GPR137C: variants seen among roughly 807,000 people sequenced by gnomAD.
GPR137C encodes integral membrane protein GPR137C.
A neutral mutation model predicts 43.4 loss-of-function variants in GPR137C; 27 were observed. The observed-to-expected ratio is 0.62, with a 90% CI of 0.46 to 0.86. GPR137C has a LOEUF of 0.86. Among genes scored for constraint, GPR137C ranks in the 40% least tolerant of loss-of-function variants. The pLI is 0.00. For missense variants in GPR137C, 522 were observed against 534.6 expected, an observed-to-expected ratio of 0.98 and a Z score of 0.23; for synonymous variants, 285 against 226.9, an observed-to-expected ratio of 1.26 and a Z score of -2.30.
At chr14:52,597,755 T>A (rs954818267) in intron 1 of GPR137C, among the ~76,000 whole-genome samples, 6 of 152,232 alleles carry the variant, frequency 3.9e-5, no homozygotes, top group African/African-American at 1.4e-4. Context: ...CACCTGCCTT[T>A]TGTAAGGCTT....
At chr14:52,583,098 TAAGA>T (rs2038668919) in intron 1 of GPR137C, among the ~76,000 whole-genome samples, 1 of 152,132 alleles carries the variant, frequency 6.6e-6, no homozygotes, top group Non-Finnish European at 1.5e-5. Flanking sequence ...TTTCTGGTAT[TAAGA>T]AAGAGCTGGA....
intron 1 of GPR137C, among the ~76,000 whole-genome samples, chr14:52,577,557 A>T (rs1322847972): frequency 6.8e-6 from 1 of 146,174 alleles, no homozygotes; most frequent in Non-Finnish European, 1.5e-5. Flanking sequence ...ATGAAATGAA[A>T]AGTTGATTCT....
At chr14:52,574,151 G>GA (rs151095445) in intron 1 of GPR137C, among the ~76,000 whole-genome samples, 20,026 of 152,186 alleles carry the variant, frequency 0.13, 1,401 homozygotes, top group Non-Finnish European at 0.15. Flanking sequence ...CATTGTGGAA[G>GA]ACAGTGTGGC....
At chr14:52,621,048 T>G (rs928275870) in intron 3 of GPR137C, among the ~76,000 whole-genome samples, 1 of 151,954 alleles carries the variant, frequency 6.6e-6, no homozygotes, top group Middle Eastern at 3.4e-3. Flanking sequence ...AATTATAAAT[T>G]TATGTCTTTC....
At chr14:52,595,994 G>A (rs984852090) in intron 1 of GPR137C, among the ~76,000 whole-genome samples, 3 of 152,154 alleles carry the variant, frequency 2.0e-5, no homozygotes, top group African/African-American at 7.2e-5. Flanking sequence ...ACCTACAGAT[G>A]GGGTTTTGGT....
chr14:52,612,579 A>G (rs893120268), intron 3 of GPR137C: 10 of 910,422 alleles, frequency 1.1e-5, no homozygotes, highest in Non-Finnish European at 1.2e-5. Context: ...TTTTCTTGAT[A>G]GAGACACATT....
At position 52,623,179 on chromosome 14, in the gene GPR137C, A is replaced by G. The variant is rs371099412; in HGVS notation, c.718-8981A>G. 3.2e-4 allele frequency among the ~76,000 whole-genome samples: 48 copies of G among 152,192 alleles called. No homozygotes were observed. The South Asian group carries it at 9.5e-3, about 30-fold the overall frequency. ...AATGCAACAAAATAAGCCCTGCCAC[A>G]TCTGTACATTCATTCATTTGTAAGA... is the stretch of plus-strand genomic sequence containing the variant. On this transcript the variant is annotated intron_variant, in intron 3 of 6. Coordinates refer to ENST00000321662, the MANE Select transcript of GPR137C (RefSeq NM_001099652.2).
intron 1 of GPR137C, among the ~76,000 whole-genome samples, chr14:52,570,371 G>C (rs1371397167): frequency 6.6e-6 from 1 of 152,082 alleles, no homozygotes; most frequent in African/African-American, 2.4e-5. Flanking sequence ...AGGAACAACC[G>C]GTAGCAGCCA....
intron 2 of GPR137C, among the ~76,000 whole-genome samples, chr14:52,599,318 C>T (rs1006606318): frequency 4.6e-5 from 7 of 152,082 alleles, no homozygotes; most frequent in African/African-American, 1.7e-4. Context: ...TGAAGCTCTA[C>T]ATATACTGTC....
chr14:52,569,682 A>G (rs1201004454), intron 1 of GPR137C, among the ~76,000 whole-genome samples: 3 of 151,810 alleles, frequency 2.0e-5, no homozygotes, highest in Non-Finnish European at 2.9e-5. Flanking sequence ...AAGCAGAAGA[A>G]AGGATATCAG....
At chr14:52,557,396 G>A (rs192996974) in intron 1 of GPR137C, among the ~76,000 whole-genome samples, 5 of 152,118 alleles carry the variant, frequency 3.3e-5, no homozygotes, top group Admixed American at 3.3e-4. Flanking sequence ...TTATATCATG[G>A]CAAATGGCCC....
intron 3 of GPR137C, among the ~76,000 whole-genome samples, chr14:52,600,643 G>A (rs544349903): frequency 2.6e-5 from 4 of 152,174 alleles, no homozygotes; most frequent in South Asian, 4.1e-4. Flanking sequence ...CACTTTGAGC[G>A]TGAAAGAATA....
intron 1 of GPR137C, among the ~76,000 whole-genome samples, chr14:52,585,202 CAAAG>C (rs1216322410): frequency 6.6e-6 from 1 of 152,156 alleles, no homozygotes; most frequent in Non-Finnish European, 1.5e-5. Flanking sequence ...TTTATTATAA[CAAAG>C]AGCTGGTTTG....
intron 6 of GPR137C, among the ~76,000 whole-genome samples, chr14:52,634,365 T>A (rs1305182171): frequency 6.6e-6 from 1 of 152,102 alleles, no homozygotes; most frequent in Non-Finnish European, 1.5e-5. Flanking sequence ...GCCCTCCTTG[T>A]TACAAAACCA....
Position 52,553,607 on chromosome 14 carries a change from CG to C in GPR137C, c.444+18del. 6.5e-7 allele frequency: 1 copy of C among 1,531,060 alleles called. No homozygotes were observed. Among genetic ancestry groups the C allele is most frequent in the South Asian group, 1.2e-5 (1 of 82,650 alleles). The allele number at this position is 1,531,060 out of a possible 1,614,324, so 94.8% of individuals were successfully genotyped here. ...CCTGGCGGAGGTAAGGCGGGAGGGC[CG>C]GCATGCGGGGCCCGGGCGGGTGCGC... On this transcript the variant is annotated intron_variant, in intron 1 of 6. Transcript: ENST00000321662.
At chr14:52,587,981 T>C (rs1481837745) in intron 1 of GPR137C, among the ~76,000 whole-genome samples, 2 of 152,198 alleles carry the variant, frequency 1.3e-5, no homozygotes, top group Non-Finnish European at 2.9e-5. Flanking sequence ...TAAGAATCAT[T>C]GGTAGATATT....
chr14:52,596,062 C>G (rs2038850597), intron 1 of GPR137C, among the ~76,000 whole-genome samples: 1 of 152,198 alleles, frequency 6.6e-6, no homozygotes, highest in Non-Finnish European at 1.5e-5. Context: ...AGTTTTCCTT[C>G]TAACAGTCAG....
At chr14:52,633,977 T>G in intron 6 of GPR137C, 31 bp downstream of exon 6, 1 of 1,250,672 alleles carries the variant, frequency 8.0e-7, no homozygotes, top group Non-Finnish European at 1.2e-6. Context: ...TAGCCTGAAT[T>G]ACTATTGAAA....
At chr14:52,615,003 C>G (rs1018567890) in intron 3 of GPR137C, among the ~76,000 whole-genome samples, 4 of 152,132 alleles carry the variant, frequency 2.6e-5, no homozygotes, top group African/African-American at 7.2e-5. Flanking sequence ...GTTGCTTGCG[C>G]TTGTGGAGTA....
Sources: allele counts gnomAD v4.1 joint callset (sites outside exome capture counted in the v4.1 genomes callset), GRCh38; gene constraint gnomAD v4.1.1; transcripts MANE v1.5; gene names NCBI Gene and HGNC (gene_info 2026-07-23, HGNC 2026-07-21).